Variants in KIAA1328 observed in about 807,000 individuals in gnomAD.
KIAA1328 encodes protein hinderin.
In KIAA1328, 52 loss-of-function variants were observed where a neutral mutation model predicts 68.1. The ratio of observed to expected loss-of-function variants is 0.76; its 90% CI spans 0.61 to 0.96. The LOEUF is 0.96. Among genes scored for constraint, KIAA1328 ranks in the 40% least tolerant of loss-of-function variants. The pLI, the probability that KIAA1328 is intolerant of heterozygous loss-of-function variation, is 0.00. For synonymous variants in KIAA1328, 232 were observed against 239.4 expected (o/e 0.97, Z 0.28); for missense variants, 641 against 677.6 (o/e 0.95, Z 0.60).
In KIAA1328 at chr18:37,053,768, C is replaced by T. The variant is rs573848317; in HGVS notation, c.577-13122C>T. 5.9e-5 allele frequency among the ~76,000 whole-genome samples: 9 copies of T among 152,052 alleles called. No homozygotes were observed. In the East Asian group the frequency reaches 9.7e-4, roughly 16 times the overall value. ...CACGAGAACAGCATGGGAGTAACCACCCCCATGATCCAGTCACCTCCCACA... is the reference window on the plus strand; with the variant it reads ...CACGAGAACAGCATGGGAGTAACCATCCCCATGATCCAGTCACCTCCCACA... On this transcript the variant is annotated intron_variant, in intron 6 of 9. Transcript: ENST00000280020.
intron 9 of KIAA1328, among the ~76,000 whole-genome samples, chr18:37,215,666 A>C (rs1008123832): frequency 1.3e-5 from 2 of 152,218 alleles, no homozygotes; most frequent in African/African-American, 2.4e-5. Context: ...GCATCATAAA[A>C]TGAGTTAGGG....
At chr18:36,861,853 G>T (rs1250953593) in intron 4 of KIAA1328, among the ~76,000 whole-genome samples, 3 of 151,388 alleles carry the variant, frequency 2.0e-5, no homozygotes, top group African/African-American at 7.3e-5. Context: ...TTCTTTTATA[G>T]ATATAAAAAA....
intron 4 of KIAA1328, among the ~76,000 whole-genome samples, chr18:36,877,943 G>T (rs1209696534): frequency 6.6e-6 from 1 of 151,908 alleles, no homozygotes; most frequent in Non-Finnish European, 1.5e-5. Context: ...CTGGGATTAC[G>T]GGCCTGAGCC....
At chr18:37,043,032 T>C (rs1359126437) in intron 6 of KIAA1328, among the ~76,000 whole-genome samples, 1 of 152,230 alleles carries the variant, frequency 6.6e-6, no homozygotes, top group South Asian at 2.1e-4. Context: ...ACCTTCTGAA[T>C]TTTGCACTTA....
At chr18:37,160,659 A>G (rs1263348133) in intron 8 of KIAA1328, among the ~76,000 whole-genome samples, 1 of 152,204 alleles carries the variant, frequency 6.6e-6, no homozygotes, top group Non-Finnish European at 1.5e-5. Flanking sequence ...GTCATAGACT[A>G]AAATAATGTT....
Position 37,221,776 on chromosome 18 carries a change from A to G in KIAA1328, c.1524-241A>G, listed in dbSNP as rs76869305. 3.8e-3 allele frequency among the ~76,000 whole-genome samples: 582 copies of G among 152,292 alleles called. 27 individuals are homozygous for G. The East Asian group carries it at 0.096, about 25-fold the overall frequency. ...TCTTCCCACTCTACAATCTCTCTTC[A>G]TAAGTTATAAAGGAATGTTAGGGGT... On this transcript the variant is annotated intron_variant, in intron 9 of 9. Coordinates refer to ENST00000280020, the MANE Select transcript of KIAA1328 (RefSeq NM_020776.3).
At chr18:36,831,966 A>T (rs912648367) in intron 1 of KIAA1328, among the ~76,000 whole-genome samples, 2 of 152,220 alleles carry the variant, frequency 1.3e-5, no homozygotes, top group African/African-American at 4.8e-5. Flanking sequence ...AATACAAATT[A>T]AACTGTACAA....
chr18:36,839,377 T>C (rs939700430), intron 3 of KIAA1328, among the ~76,000 whole-genome samples: 4 of 152,222 alleles, frequency 2.6e-5, no homozygotes, highest in African/African-American at 9.6e-5. Context: ...TATGAAACAA[T>C]GTAGTTTTAT....
intron 1 of KIAA1328, 116 bp downstream of exon 1, chr18:36,829,312 G>T: frequency 7.1e-7 from 1 of 1,407,066 alleles, no homozygotes; most frequent in South Asian, 1.5e-5. Flanking sequence ...CCCGGGGATG[G>T]GGACGTGCTG....
At chr18:36,931,567 G>A (rs1056206190) in intron 5 of KIAA1328, among the ~76,000 whole-genome samples, 1 of 151,920 alleles carries the variant, frequency 6.6e-6, no homozygotes, top group Non-Finnish European at 1.5e-5. Context: ...TGCTGATCTA[G>A]GTATCTTGAC....
chr18:37,203,495 T>C (rs1169885644), intron 9 of KIAA1328, among the ~76,000 whole-genome samples: 1 of 152,224 alleles, frequency 6.6e-6, no homozygotes, highest in Non-Finnish European at 1.5e-5. Flanking sequence ...ATTCTGTATA[T>C]AGAATGTTTC....
chr18:36,874,529 GTTGT>G (rs1250158491), intron 4 of KIAA1328, among the ~76,000 whole-genome samples: 3 of 152,132 alleles, frequency 2.0e-5, no homozygotes, highest in Non-Finnish European at 2.9e-5. Flanking sequence ...TTTTGATGGG[GTTGT>G]TTGTTTTTTT....
intron 7 of KIAA1328, among the ~76,000 whole-genome samples, chr18:37,132,560 T>A (rs1413782566): frequency 6.6e-6 from 1 of 152,216 alleles, no homozygotes; most frequent in Admixed American, 6.5e-5. Context: ...AGGAGCATAT[T>A]GGGAGGTAAG....
At chr18:37,061,190 A>T (rs1383034245) in intron 6 of KIAA1328, among the ~76,000 whole-genome samples, 1 of 152,212 alleles carries the variant, frequency 6.6e-6, no homozygotes, top group Non-Finnish European at 1.5e-5. Context: ...AACATAGAAG[A>T]AGCTAAAAAA....
chr18:37,145,102 G>A (rs1417637227), intron 7 of KIAA1328, among the ~76,000 whole-genome samples: 1 of 151,980 alleles, frequency 6.6e-6, no homozygotes, highest in East Asian at 1.9e-4. Context: ...AGGCATGATG[G>A]TACATGCCTA....
chr18:37,140,820 T>C (rs1007968447), intron 7 of KIAA1328, among the ~76,000 whole-genome samples: 3 of 152,202 alleles, frequency 2.0e-5, no homozygotes, highest in Admixed American at 6.5e-5. Context: ...GATGTTGTTC[T>C]ATTAACAAAT....
At chr18:36,999,257 A>G (rs112333116) in intron 6 of KIAA1328, among the ~76,000 whole-genome samples, 1 of 152,226 alleles carries the variant, frequency 6.6e-6, no homozygotes, top group Non-Finnish European at 1.5e-5. Flanking sequence ...AAGAAAGAAC[A>G]AAGCCTTCAG....
intron 6 of KIAA1328, among the ~76,000 whole-genome samples, chr18:37,023,399 G>C (rs1487191295): frequency 6.6e-6 from 1 of 151,898 alleles, no homozygotes; most frequent in Non-Finnish European, 1.5e-5. Flanking sequence ...TTTAATTTTA[G>C]AAGAGAGAAG....
intron 3 of KIAA1328, among the ~76,000 whole-genome samples, chr18:36,839,969 G>A (rs2046804859): frequency 6.6e-6 from 1 of 152,148 alleles, no homozygotes; most frequent in African/African-American, 2.4e-5. Flanking sequence ...TAGTTGACGC[G>A]AAGGGATTCT....
Sources: gnomAD v4.1 joint callset for allele counts (sites outside exome capture counted in the v4.1 genomes callset) on GRCh38, gnomAD v4.1.1 for gene constraint, MANE v1.5 for transcripts, NCBI Gene and HGNC (gene_info 2026-07-23, HGNC 2026-07-21) for gene names.